TTF2: variants seen among roughly 807,000 people sequenced by gnomAD.
TTF2 encodes the protein RNA polymerase II termination factor.
Under a neutral mutation model 142.4 loss-of-function variants are expected in TTF2, and 108 were observed. The ratio of observed to expected loss-of-function variants is 0.76; its 90% confidence interval spans 0.65 to 0.89. TTF2 has a LOEUF of 0.89. TTF2 is among the 40% of genes least tolerant of loss of function. The pLI is 0.00. For synonymous variants in TTF2, 483 were observed against 506.2 expected, an observed-to-expected ratio of 0.95 and a Z score of 0.61; for missense variants, 1,327 against 1,379.8, an observed-to-expected ratio of 0.96 and a Z score of 0.61.
chr1:117,064,640 C>T (rs1340712061), intron 3 of TTF2, among the ~76,000 whole-genome samples: 1 of 152,102 alleles, frequency 6.6e-6, no homozygotes, highest in Non-Finnish European at 1.5e-5. Flanking sequence ...GCCTCAGCCT[C>T]CCAAGTAGTC....
chr1:117,069,082 T>C (rs114857615), intron 3 of TTF2, among the ~76,000 whole-genome samples: 2,537 of 152,350 alleles, frequency 0.017, 35 homozygotes, highest in Middle Eastern at 0.041. Flanking sequence ...TATCTGTTTT[T>C]TTTCCTAGAA....
At chr1:117,084,197 G>T (rs373696584) in intron 11 of TTF2, 29 bp downstream of exon 11, 2 of 1,613,080 alleles carry the variant, frequency 1.2e-6, no homozygotes, top group Non-Finnish European at 1.7e-6. Context: ...AGTTGTGGGG[G>T]CGTTCAGCAC....
At chr1:117,065,471 G>A (rs571811190) in intron 3 of TTF2, among the ~76,000 whole-genome samples, 32 of 152,218 alleles carry the variant, frequency 2.1e-4, no homozygotes, top group African/African-American at 6.7e-4. Flanking sequence ...GGTGGAAGGC[G>A]CCTGTAGTCC....
At chr1:117,091,254 C>T in intron 15 of TTF2, 74 bp from the exon 16 acceptor site, 1 of 1,249,186 alleles carries the variant, frequency 8.0e-7, no homozygotes, top group Non-Finnish European at 1.1e-6. Flanking sequence ...TTGTCAAGAT[C>T]CCACTGCAGG....
intron 3 of TTF2, among the ~76,000 whole-genome samples, chr1:117,066,545 T>A (rs1292897405): frequency 6.6e-6 from 1 of 152,134 alleles, no homozygotes; most frequent in Non-Finnish European, 1.5e-5. Context: ...GGTCTGGTGT[T>A]TGGCACATTG....
chr1:117,061,440 C>T (rs1655681184), intron 2 of TTF2, among the ~76,000 whole-genome samples: 1 of 152,212 alleles, frequency 6.6e-6, no homozygotes. Flanking sequence ...TTAAACATCT[C>T]CTGCTCTCTA....
chr1:117,073,519 A>G lies in TTF2; in HGVS notation c.219-142A>G, dbSNP rs2101401368. On this transcript the variant is annotated intron_variant, in intron 3 of 22. Coordinates refer to ENST00000369466, the MANE Select transcript of TTF2 (RefSeq NM_003594.4). This position sits in a 1 kb window ranked among gnomAD's most constrained non-coding sequence, Gnocchi z 4.4. ...TGCAGTAAATAATTTTTAAATGTGTATATAAAAGTAATTGGTTTCAAGTGA... is the reference window on the plus strand; with the variant it reads ...TGCAGTAAATAATTTTTAAATGTGTGTATAAAAGTAATTGGTTTCAAGTGA... The G allele has an allele frequency of 4.8e-6, 3 of 619,888 alleles. No homozygotes were observed. Among genetic ancestry groups the G allele is most frequent in the East Asian group, 5.6e-5 (2 of 35,434 alleles). The allele number at this position is 619,888 out of a possible 1,614,324, so 38.4% of individuals were successfully genotyped here.
At position 117,089,239 on chromosome 1, in the gene TTF2, CA is replaced by C. The variant is rs541185969; in HGVS notation, c.2342+261del. On this transcript the variant is annotated intron_variant, in intron 13 of 22. Coordinates refer to ENST00000369466, the MANE Select transcript of TTF2 (RefSeq NM_003594.4). ...GGACTTTATATATGCAAAATATATG[CA>C]AAATATATGCAAATATATGCTATAT... Among the ~76,000 whole-genome samples, 408 of 115,904 alleles carry C rather than the reference CA, an allele frequency of 3.5e-3. 2 individuals are homozygous for C. Among genetic ancestry groups the C allele is most frequent in the South Asian group, 7.1e-3 (24 of 3,374 alleles). The allele number at this position is 115,904 out of a possible 152,430, so 76.0% of individuals were successfully genotyped here.
chr1:117,065,988 C>CTTTTTTTTT (rs544726052), intron 3 of TTF2, among the ~76,000 whole-genome samples: 1 of 97,952 alleles, frequency 1.0e-5, no homozygotes, highest in African/African-American at 4.8e-5. Context: ...CACTATATAC[C>CTTTTTTTTT]TTTTTTTTTT....
rs917382689 is a variant in TTF2, at chr1:117,102,144, A to G, written c.*620A>G. ...GCAATACAGTGAGACCCTGTCTCAA[A>G]AAAAGGAAAAAAAAGCTCAAAAAGT... On this transcript the variant is annotated 3_prime_UTR_variant, in exon 23 of 23. Coordinates refer to ENST00000369466, the MANE Select transcript of TTF2 (RefSeq NM_003594.4). 1 of 152,302 alleles carries G rather than the reference A, an allele frequency of 6.6e-6. No individual in the cohort carries two copies. Among genetic ancestry groups the G allele is most frequent in the African/African-American group, 2.4e-5 (1 of 41,444 alleles). 9.4% of individuals were successfully genotyped at this position (152,302 alleles called of 1,614,324 possible).
At chr1:117,094,682 T>C in intron 18 of TTF2, 1 of 484,302 alleles carries the variant, frequency 2.1e-6, no homozygotes, top group Non-Finnish European at 4.3e-6. Flanking sequence ...ATGTGTGTAC[T>C]CACAGCCCCT....
At position 117,086,348 on chromosome 1, in the gene TTF2, C is replaced by A; in HGVS notation, c.2055-69C>A. 2.6e-6 allele frequency: 3 copies of A among 1,150,156 alleles called. No individual in the cohort carries two copies. Among genetic ancestry groups the A allele is most frequent in the Admixed American group, 1.9e-5 (1 of 53,374 alleles). 71.2% of individuals were successfully genotyped at this position (1,150,156 alleles called of 1,614,324 possible). ...TTTGTAGGCATTTTTATTGAAAGAT[C>A]AACTCTGCCTCTCTCATTGTCCCTC... is the stretch of plus-strand genomic sequence containing the variant. On this transcript the variant is annotated intron_variant, in intron 11 of 22. Coordinates refer to ENST00000369466, the MANE Select transcript of TTF2 (RefSeq NM_003594.4). The surrounding 1 kb of genome is among the most constrained non-coding windows in gnomAD (Gnocchi z 4.2).
At position 117,098,846 on chromosome 1, in the gene TTF2, G is replaced by C. The variant is rs757611653; in HGVS notation, c.3283G>C (p.Glu1095Gln). The change falls in exon 22 of 23, where the codon GAA (glutamate) becomes CAA (glutamine). Residue 1095 changes from glutamate to glutamine, a missense_variant. Glu to Gln is a conservative substitution (Grantham distance 29). Coordinates refer to ENST00000369466, the MANE Select transcript of TTF2 (RefSeq NM_003594.4). ...GTCTTCTAACAGGAATCCATCACTTGAAGATCAAGCTTGTGACCGAATTTA... is the reference window on the plus strand; with the variant it reads ...GTCTTCTAACAGGAATCCATCACTTCAAGATCAAGCTTGTGACCGAATTTA... ...LLDMHWNPSL[E>Q]DQACDRIYRV... 1.9e-6 allele frequency: 3 copies of C among 1,611,952 alleles called. No individual in the cohort carries two copies. Among genetic ancestry groups the C allele is most frequent in the Non-Finnish European group, 2.5e-6 (3 of 1,179,406 alleles).
At chr1:117,081,647 A>G (rs1647520808) in intron 9 of TTF2, among the ~76,000 whole-genome samples, 181 bp from the exon 10 acceptor site, 1 of 152,230 alleles carries the variant, frequency 6.6e-6, no homozygotes, top group African/African-American at 2.4e-5. Context: ...GTAAAGAGCA[A>G]GTGCTAGGGT....
rs762954631 is a variant in TTF2, at chr1:117,097,371, G to C, written c.3207G>C (p.Leu1069Phe). ...TGAAGGTAATGCTAATCTCTCTCTT[G>C]GCCGGAGGTGTTGGTCTAAACCTGA... Reference protein sequence around the residue: ...RGPQVMLISLLAGGVGLNLTG... With the variant: ...RGPQVMLISLFAGGVGLNLTG... The change falls in exon 21 of 23, where the codon TTG becomes TTC. Residue 1069 changes from leucine to phenylalanine, a missense_variant. Coordinates refer to ENST00000369466, the MANE Select transcript of TTF2 (RefSeq NM_003594.4). This position sits in a 1 kb window ranked among gnomAD's most constrained non-coding sequence, Gnocchi z 4.1. 6.2e-7 allele frequency: 1 copy of C among 1,614,092 alleles called. No individual in the cohort carries two copies. Among genetic ancestry groups the C allele is most frequent in the Non-Finnish European group, 8.5e-7 (1 of 1,179,996 alleles).
rs1207787231 is a variant in TTF2, at chr1:117,097,461, G to A, written c.3269+28G>A. On this transcript the variant is annotated intron_variant, in intron 21 of 22. Transcript: ENST00000369466. This position sits in a 1 kb window ranked among gnomAD's most constrained non-coding sequence, Gnocchi z 4.1. Reference sequence around the variant, plus strand: ...AATGATTCCGGATTTGTCCTGGGTTGTCACAGCACATCAAGGAGGCCAGTG... The same window carrying A: ...AATGATTCCGGATTTGTCCTGGGTTATCACAGCACATCAAGGAGGCCAGTG... 1 of 1,608,292 alleles carries A rather than the reference G, an allele frequency of 6.2e-7. No individual in the cohort carries two copies. Among genetic ancestry groups the A allele is most frequent in the East Asian group, 2.2e-5 (1 of 44,866 alleles).
rs1231138891 is a variant in TTF2 at position 117,090,882 on chromosome 1, C to T, written c.2588+259C>T. Among the ~76,000 whole-genome samples the T allele has an allele frequency of 6.6e-6, 1 of 152,032 alleles. No individual in the cohort carries two copies. Among genetic ancestry groups the T allele is most frequent in the Non-Finnish European group, 1.5e-5 (1 of 68,012 alleles). On this transcript the variant is annotated intron_variant, in intron 15 of 22. Transcript: ENST00000369466. The surrounding 1 kb of genome is among the most constrained non-coding windows in gnomAD (Gnocchi z 4.8). ...CATAGAAGTCATAGGGTGTGGTCACCATATACTGAATCTGTCTGGTCCTCA... is the reference window on the plus strand; with the variant it reads ...CATAGAAGTCATAGGGTGTGGTCACTATATACTGAATCTGTCTGGTCCTCA...
rs549772837 is a variant in TTF2, at chr1:117,074,773, C to T, written c.286-97C>T. 6.8e-4 allele frequency: 788 copies of T among 1,160,226 alleles called. 1 individual carries two copies. Among genetic ancestry groups the T allele is most frequent in the Non-Finnish European group, 8.7e-4 (732 of 843,914 alleles). 71.9% of individuals were successfully genotyped at this position (1,160,226 alleles called of 1,614,324 possible). A position where few individuals can be genotyped will look rare whatever the true frequency, so the allele number is the denominator to read the frequency against. ...TATAACAAAGCTGCATATGTACCCC[C>T]TGTATATAAAATAAAAGTTGAGATG... On this transcript the variant is annotated intron_variant, in intron 4 of 22. Coordinates refer to ENST00000369466, the MANE Select transcript of TTF2 (RefSeq NM_003594.4).
At chr1:117,098,160 G>A (rs1303800445) in intron 21 of TTF2, 3 of 150,638 alleles carry the variant, frequency 2.0e-5, no homozygotes, top group African/African-American at 7.3e-5. Flanking sequence ...CTGTACACGT[G>A]AGTGAGGAAA....
Sources: allele counts gnomAD v4.1 joint callset (sites outside exome capture counted in the v4.1 genomes callset), GRCh38; gene constraint gnomAD v4.1.1; non-coding constraint Gnocchi (gnomAD v3.1); transcripts MANE v1.5; gene names NCBI Gene and HGNC (gene_info 2026-07-23, HGNC 2026-07-21).